Variants in PLCE1 observed in about 807,000 individuals in gnomAD.
PLCE1 encodes the protein phospholipase C epsilon 1, also known as 1-phosphatidylinositol 4,5-bisphosphate phosphodiesterase epsilon-1.
In PLCE1, 119 loss-of-function variants were observed where a neutral mutation model predicts 242.8. The ratio of observed to expected loss-of-function variants is 0.49; its 90% CI spans 0.42 to 0.57. The LOEUF (loss-of-function observed/expected upper bound fraction) is 0.57. Among genes scored for constraint, PLCE1 ranks in the 20% least tolerant of loss-of-function variants. The pLI, the probability that PLCE1 is intolerant of heterozygous loss-of-function variation, is 0.00. For synonymous variants in PLCE1, 945 were observed against 1,017.4 expected (o/e 0.93, Z 1.35); for missense variants, 2,441 against 2,788.8 (o/e 0.88, Z 2.81).
intron 2 of PLCE1, among the ~76,000 whole-genome samples, chr10:94,102,713 C>T (rs2045583514): frequency 6.6e-6 from 1 of 152,204 alleles, no homozygotes; most frequent in South Asian, 2.1e-4. Flanking sequence ...ATCCTCCACA[C>T]CCCAGCCCTG....
intron 29 of PLCE1, among the ~76,000 whole-genome samples, chr10:94,320,655 G>T (rs951145603): frequency 2.0e-5 from 3 of 152,192 alleles, no homozygotes; most frequent in Non-Finnish European, 4.4e-5. Context: ...GACCTCACTT[G>T]CTGAGATGAG....
chr10:94,315,490 A>G (rs2053535473), intron 28 of PLCE1: 1 of 455,918 alleles, frequency 2.2e-6, no homozygotes, highest in Admixed American at 2.4e-5. Context: ...GAGAAAATAC[A>G]TTGGTAAAAC....
intron 2 of PLCE1, chr10:94,089,421 C>T: frequency 6.9e-7 from 1 of 1,459,290 alleles, no homozygotes. Flanking sequence ...GTTCTTAATG[C>T]ATGGAATCCT....
rs1197224805 is a variant in PLCE1 at position 94,321,900 on chromosome 10, G to A, written c.6343-1G>A. 1 of 1,610,232 alleles carries A rather than the reference G, an allele frequency of 6.2e-7. No homozygotes were observed. Among genetic ancestry groups the A allele is most frequent in the Non-Finnish European group, 8.5e-7 (1 of 1,176,720 alleles). On this transcript the variant is annotated splice_acceptor_variant, in intron 29 of 32. Transcript: ENST00000371380. LOFTEE classifies it high-confidence loss of function. ...CTCACATTTTTTCTTTTTAAACATA[G>A]AACCTAGAAGAGAAAAACATTGTTC...
At chr10:94,256,338 A>AAAAAGAAAGAAAGAAAG (rs2051098252) in intron 11 of PLCE1, among the ~76,000 whole-genome samples, 1 of 140,440 alleles carries the variant, frequency 7.1e-6, no homozygotes, top group African/African-American at 2.8e-5. Flanking sequence ...AAAAAAAAAA[A>AAAAAGAAAGAAAGAAAG]AAAGAAAGAA....
intron 2 of PLCE1, among the ~76,000 whole-genome samples, chr10:94,071,502 T>TTTTTG (rs1215978784): frequency 1.5e-5 from 2 of 133,668 alleles, no homozygotes; most frequent in African/African-American, 6.1e-5. Flanking sequence ...TTCGTTTTTT[T>TTTTTG]TTTTTTTTTT....
chr10:94,110,835 T>G (rs1232225922), intron 2 of PLCE1, among the ~76,000 whole-genome samples: 1 of 152,228 alleles, frequency 6.6e-6, no homozygotes, highest in African/African-American at 2.4e-5. Context: ...CTGCAGAAAG[T>G]GCTTTTGATT....
At chr10:94,150,119 T>C (rs2047228303) in intron 3 of PLCE1, among the ~76,000 whole-genome samples, 1 of 152,324 alleles carries the variant, frequency 6.6e-6, no homozygotes, top group African/African-American at 2.4e-5. Flanking sequence ...ACACTCCCGA[T>C]GTATATGACA....
At chr10:94,069,186 G>T (rs899632190) in intron 2 of PLCE1, among the ~76,000 whole-genome samples, 3 of 152,176 alleles carry the variant, frequency 2.0e-5, no homozygotes. Flanking sequence ...ACCATATCAG[G>T]CTGCTTTCAA....
At chr10:94,269,160 G>T (rs1356942698) in intron 17 of PLCE1, 124 bp downstream of exon 17, 3 of 585,218 alleles carry the variant, frequency 5.1e-6, no homozygotes, top group Non-Finnish European at 9.1e-6. Context: ...GGAGTAGAGT[G>T]GTACCATCTT....
chr10:94,320,417 G>C (rs902601768), intron 29 of PLCE1, among the ~76,000 whole-genome samples: 1 of 152,038 alleles, frequency 6.6e-6, no homozygotes, highest in Non-Finnish European at 1.5e-5. Context: ...TAAATGATTG[G>C]GGCAAGCTTC....
At chr10:94,001,526 G>A (rs529316691) in intron 1 of PLCE1, among the ~76,000 whole-genome samples, 6 of 152,312 alleles carry the variant, frequency 3.9e-5, no homozygotes, top group African/African-American at 1.2e-4. Flanking sequence ...ACTCTGTTTT[G>A]ATGACTTCAC....
intron 14 of PLCE1, 70 bp from the exon 15 acceptor site, chr10:94,265,577 A>T: frequency 8.0e-7 from 1 of 1,246,736 alleles, no homozygotes; most frequent in Non-Finnish European, 1.2e-6. Context: ...TTAAAAAATG[A>T]TGTGGTGGTT....
intron 19 of PLCE1, among the ~76,000 whole-genome samples, chr10:94,275,612 G>T (rs191090558): frequency 1.3e-5 from 2 of 152,242 alleles, no homozygotes; most frequent in Middle Eastern, 3.4e-3. Flanking sequence ...GAGGCAGGTC[G>T]ATTGCTTGAA....
intron 2 of PLCE1, among the ~76,000 whole-genome samples, chr10:94,061,021 C>G (rs114367691): frequency 0.013 from 1,969 of 152,088 alleles, 49 homozygotes; most frequent in African/African-American, 0.044. Context: ...ACTTATGAAA[C>G]CTTTCAGCAT....
At chr10:94,197,827 A>G (rs1389602848) in intron 4 of PLCE1, among the ~76,000 whole-genome samples, 2 of 151,948 alleles carry the variant, frequency 1.3e-5, no homozygotes, top group Non-Finnish European at 2.9e-5. Flanking sequence ...TACTAAAAAT[A>G]CAAAAATTAG....
At chr10:94,071,556 G>A (rs2044361433) in intron 2 of PLCE1, among the ~76,000 whole-genome samples, 1 of 142,810 alleles carries the variant, frequency 7.0e-6, no homozygotes, top group Non-Finnish European at 1.5e-5. Context: ...GAGTGCAGTG[G>A]TGCAATCATA....
chr10:94,060,926 G>T (rs991952620), intron 2 of PLCE1, among the ~76,000 whole-genome samples: 1 of 117,934 alleles, frequency 8.5e-6, no homozygotes, highest in Non-Finnish European at 1.6e-5. Context: ...CAAACTCCTG[G>T]GCTCAATGAT....
At chr10:94,160,861 G>A (rs10882401) in intron 3 of PLCE1, among the ~76,000 whole-genome samples, 54,177 of 151,992 alleles carry the variant, frequency 0.36, 11,099 homozygotes, top group East Asian at 0.56. Context: ...TATTAAATAG[G>A]GAATCCTTTC....
Sources: gnomAD v4.1 joint callset for allele counts (sites outside exome capture counted in the v4.1 genomes callset) on GRCh38, gnomAD v4.1.1 for gene constraint, MANE v1.5 for transcripts, NCBI Gene and HGNC (gene_info 2026-07-23, HGNC 2026-07-21) for gene names.